WASL: variants seen among roughly 807,000 people sequenced by gnomAD.
WASL encodes the protein actin nucleation-promoting factor WASL.
WASL carries 20 observed loss-of-function variants against 55.5 expected under a neutral mutation model. The observed-to-expected ratio is 0.36, with a 90% confidence interval of 0.25 to 0.52. The LOEUF (loss-of-function observed/expected upper bound fraction) is 0.52, where lower values mean the gene tolerates loss of function less well. Among genes scored for constraint, WASL ranks in the 20% least tolerant of loss-of-function variants. The probability of loss-of-function intolerance (pLI) is 0.92; values close to 1 mark genes in which losing one functional copy is unlikely to be tolerated. For missense variants in WASL, 504 were observed against 622.5 expected (o/e 0.81, Z 2.03); for synonymous variants, 249 against 217.6 (o/e 1.14, Z -1.27).
In WASL at chr7:123,689,024, CT is replaced by C; in HGVS notation, c.1456+17del. 1 of 1,587,976 alleles carries C rather than the reference CT, an allele frequency of 6.3e-7. No individual in the cohort carries two copies. The highest frequency in any genetic ancestry group is 1.1e-5 in the South Asian group (1 of 90,494). ...TCTCTCTGTCTCTCTCTCTCTCTCT[CT>C]CTCTCTCTCTCTCTACCTGAAGAAT... On this transcript the variant is annotated intron_variant, in intron 10 of 10. Coordinates refer to ENST00000223023, the MANE Select transcript of WASL (RefSeq NM_003941.4).
chr7:123,732,861 G>A (rs1804163684), intron 1 of WASL, among the ~76,000 whole-genome samples: 1 of 152,054 alleles, frequency 6.6e-6, no homozygotes, highest in African/African-American at 2.4e-5. Context: ...ATTTATTCTA[G>A]GTATGCAAGG....
chr7:123,707,753 T>C (rs896788971), intron 2 of WASL, among the ~76,000 whole-genome samples: 1 of 152,062 alleles, frequency 6.6e-6, no homozygotes, highest in African/African-American at 2.4e-5. Context: ...CACTTGGGGG[T>C]TTCTTTCAAA....
chr7:123,735,942 T>C (rs1804221585), intron 1 of WASL, among the ~76,000 whole-genome samples: 3 of 152,076 alleles, frequency 2.0e-5, no homozygotes, highest in Admixed American at 6.5e-5. Context: ...CCCAGCAAGA[T>C]AAAGAATAAG....
rs528013016 is a variant in WASL at position 123,684,501 on chromosome 7, A to G, written c.*18T>C. ...AGTATTTCACCTTAAAAATATATAT[A>G]TATATATAATATATAGATCAGTCTT... On this transcript the variant is annotated 3_prime_UTR_variant, in exon 11 of 11. Coordinates refer to ENST00000223023, the MANE Select transcript of WASL (RefSeq NM_003941.4). The G allele has an allele frequency of 8.6e-5, 50 of 578,260 alleles. 1 individual carries two copies. The highest frequency in any genetic ancestry group is 4.6e-4 in the Middle Eastern group (1 of 2,192). 35.8% of individuals were successfully genotyped at this position (578,260 alleles called of 1,614,324 possible).
chr7:123,695,912 G>A, intron 6 of WASL, 47 bp from the exon 7 acceptor site: 1 of 1,576,546 alleles, frequency 6.3e-7, no homozygotes, highest in South Asian at 1.1e-5. Context: ...ATGCATAAAG[G>A]GCATTATAAA....
chr7:123,698,835 C>T (rs1458541219), intron 5 of WASL, among the ~76,000 whole-genome samples: 1 of 152,044 alleles, frequency 6.6e-6, no homozygotes, highest in East Asian at 1.9e-4. Flanking sequence ...TGTAGTTGTA[C>T]AAAATAAAGG....
At chr7:123,700,446 CTT>C (rs34850578) in intron 5 of WASL, among the ~76,000 whole-genome samples, 78 of 146,140 alleles carry the variant, frequency 5.3e-4, no homozygotes, top group African/African-American at 6.8e-4. Context: ...TACTTTACCT[CTT>C]TTTTTTTTTT....
At chr7:123,711,843 A>G (rs544652820) in intron 1 of WASL, among the ~76,000 whole-genome samples, 1 of 152,290 alleles carries the variant, frequency 6.6e-6, no homozygotes, top group Non-Finnish European at 1.5e-5. Context: ...TATTACCCTA[A>G]TAATGTTAAG....
intron 1 of WASL, among the ~76,000 whole-genome samples, chr7:123,722,593 A>G (rs1481086501): frequency 3.9e-5 from 6 of 152,148 alleles, no homozygotes; most frequent in Non-Finnish European, 7.4e-5. Context: ...TGAGGCAGGT[A>G]GATCACTTGA....
Position 123,706,296 on chromosome 7 carries a change from G to T in WASL, c.417C>A (p.Gly139=), listed in dbSNP as rs1192455405. 1 of 1,613,380 alleles carries T rather than the reference G, an allele frequency of 6.2e-7. No individual in the cohort carries two copies. Among genetic ancestry groups the T allele is most frequent in the South Asian group, 1.1e-5 (1 of 90,978 alleles). Residue 139 remains glycine, a synonymous_variant, in exon 4 of 11, where the codon GGC becomes GGA. Coordinates refer to ENST00000223023, the MANE Select transcript of WASL (RefSeq NM_003941.4). ...KFRKAVTDLL[G]RRQRKSEKRR... ...GGTTACCAGATTTCCTTTGTCGACG[G>T]CCCAAAAGGTCTGTAACTGCTTTTC...
At chr7:123,742,869 A>G (rs1455324169) in intron 1 of WASL, among the ~76,000 whole-genome samples, 1 of 152,220 alleles carries the variant, frequency 6.6e-6, no homozygotes, top group Non-Finnish European at 1.5e-5. Flanking sequence ...TATATGCTAT[A>G]TTAGTCTCGG....
chr7:123,706,272 G>T lies in WASL; in HGVS notation c.436+5C>A. ...GCCTGATTTAAGTAATTAAAAAAGG[G>T]TTACCAGATTTCCTTTGTCGACGGC... On this transcript the variant is annotated splice_donor_5th_base_variant and intron_variant, in intron 4 of 10. Transcript: ENST00000223023. 6.2e-7 allele frequency: 1 copy of T among 1,612,902 alleles called. No homozygotes were observed. The highest frequency in any genetic ancestry group is 8.5e-7 in the Non-Finnish European group (1 of 1,179,428).
chr7:123,692,538 G>A lies in WASL; in HGVS notation c.1156C>T (p.Pro386Ser). Residue 386 changes from proline (P) to serine (S), a missense_variant, in exon 9 of 11, where the codon CCG becomes TCG. Pro to Ser is a moderately conservative substitution (Grantham distance 74, BLOSUM62 -1). Coordinates refer to ENST00000223023, the MANE Select transcript of WASL (RefSeq NM_003941.4). ...PPPPPPPPGP[P>S]PPPGLPSDGD... ...TCAGAAGGCAGGCCAGGCGGGGGCGGTGGCCCAGGAGGAGGTGGAGGTGGA... is the reference window on the plus strand; with the variant it reads ...TCAGAAGGCAGGCCAGGCGGGGGCGATGGCCCAGGAGGAGGTGGAGGTGGA... 6.2e-7 allele frequency: 1 copy of A among 1,614,064 alleles called. No individual in the cohort carries two copies. The highest frequency in any genetic ancestry group is 8.5e-7 in the Non-Finnish European group (1 of 1,179,996).
chr7:123,708,517 A>C (rs894071087), intron 2 of WASL, among the ~76,000 whole-genome samples: 3 of 152,220 alleles, frequency 2.0e-5, no homozygotes, highest in Non-Finnish European at 4.4e-5. Flanking sequence ...CAACTGTAAG[A>C]AATGAATACC....
At chr7:123,705,924 A>T (rs1029263240) in intron 4 of WASL, among the ~76,000 whole-genome samples, 1 of 152,198 alleles carries the variant, frequency 6.6e-6, no homozygotes, top group African/African-American at 2.4e-5. Flanking sequence ...ATGCAAAATT[A>T]AAAGTCAATA....
At chr7:123,734,230 A>G (rs1362892144) in intron 1 of WASL, among the ~76,000 whole-genome samples, 1 of 152,292 alleles carries the variant, frequency 6.6e-6, no homozygotes, top group Non-Finnish European at 1.5e-5. Flanking sequence ...TACATGTGAA[A>G]CACACAGCTG....
At chr7:123,741,482 G>A (rs1009246699) in intron 1 of WASL, among the ~76,000 whole-genome samples, 15 of 152,096 alleles carry the variant, frequency 9.9e-5, no homozygotes, top group Non-Finnish European at 1.3e-4. Flanking sequence ...CTGTGACTAT[G>A]AATGTATAAA....
chr7:123,721,370 G>T (rs1455626065), intron 1 of WASL, among the ~76,000 whole-genome samples: 1 of 152,122 alleles, frequency 6.6e-6, no homozygotes, highest in Non-Finnish European at 1.5e-5. Flanking sequence ...AGGTTACTTT[G>T]AGAGCCATTT....
intron 2 of WASL, 75 bp from the exon 3 acceptor site, chr7:123,706,901 A>G: frequency 1.2e-6 from 1 of 849,776 alleles, no homozygotes; most frequent in East Asian, 2.8e-5. Context: ...AAGATGACTC[A>G]TATTAAGAAA....
Sources: allele counts gnomAD v4.1 joint callset (sites outside exome capture counted in the v4.1 genomes callset), GRCh38; gene constraint gnomAD v4.1.1; transcripts MANE v1.5; gene names NCBI Gene and HGNC (gene_info 2026-07-23, HGNC 2026-07-21).